The following IGSF3 variants were observed in gnomAD, a reference collection of about 807,000 sequenced individuals.
IGSF3 encodes the protein glu-Trp-Ile EWI motif-containing protein 3.
A neutral mutation model predicts 114.4 loss-of-function variants in IGSF3; 23 were observed. The ratio of observed to expected loss-of-function variants is 0.20; its 90% CI spans 0.14 to 0.28. The LOEUF is 0.28. Ranked by LOEUF, IGSF3 falls within the 10% of genes least tolerant of loss-of-function variation. IGSF3 has a pLI of 1.00. For synonymous variants in IGSF3, 571 were observed against 645.2 expected, an observed-to-expected ratio of 0.88 and a Z score of 1.74; for missense variants, 1,172 against 1,591.5, an observed-to-expected ratio of 0.74 and a Z score of 4.48.
intron 2 of IGSF3, among the ~76,000 whole-genome samples, chr1:116,656,308 T>C (rs1173283334): frequency 1.4e-5 from 2 of 138,598 alleles, no homozygotes; most frequent in African/African-American, 5.4e-5. Context: ...TTTTTTTTTT[T>C]TTTTTTTTTT....
At position 116,650,485 on chromosome 1, in the gene IGSF3, G is replaced by A. The variant is rs1220830033; in HGVS notation, c.43+15799C>T. Among the ~76,000 whole-genome samples the A allele has an allele frequency of 2.0e-5, 3 of 151,988 alleles. No individual in the cohort carries two copies. The highest frequency in any genetic ancestry group is 4.8e-5 in the African/African-American group (2 of 41,358). Reference sequence around the variant, plus strand: ...TGTCACACGCCCATGTCTAAATTACGGGCCTCCAGGATGGGCTCAGCTCAA... The same window carrying A: ...TGTCACACGCCCATGTCTAAATTACAGGCCTCCAGGATGGGCTCAGCTCAA... On this transcript the variant is annotated intron_variant, in intron 2 of 10. Transcript: ENST00000369486. This position sits in a 1 kb window ranked among gnomAD's most constrained non-coding sequence, Gnocchi z 5.0.
chr1:116,592,121 T>C lies in IGSF3; in HGVS notation c.2030-3017A>G, dbSNP rs1380662914. 6.6e-6 allele frequency among the ~76,000 whole-genome samples: 1 copy of C among 152,080 alleles called. No homozygotes were observed. The highest frequency in any genetic ancestry group is 1.5e-5 in the Non-Finnish European group (1 of 68,016). Reference sequence around the variant, plus strand: ...TCTCGGACCAGCAGCACTGGGAGCTTGTTAGAAATGCAGACTCTCAGGCCC... The same window carrying C: ...TCTCGGACCAGCAGCACTGGGAGCTCGTTAGAAATGCAGACTCTCAGGCCC... On this transcript the variant is annotated intron_variant, in intron 7 of 10. Coordinates refer to ENST00000369486, the MANE Select transcript of IGSF3 (RefSeq NM_001007237.3). The surrounding 1 kb of genome is among the most constrained non-coding windows in gnomAD (Gnocchi z 4.5).
At chr1:116,587,010 G>C (rs1659877067) in intron 8 of IGSF3, among the ~76,000 whole-genome samples, 1 of 151,964 alleles carries the variant, frequency 6.6e-6, no homozygotes, top group African/African-American at 2.4e-5. Context: ...AGAATCTCTG[G>C]AAATATAATA....
rs577491919 is a variant in IGSF3, at chr1:116,621,694, T to C, written c.44-5237A>G. 3.9e-3 allele frequency among the ~76,000 whole-genome samples: 590 copies of C among 152,308 alleles called. 2 individuals are homozygous for C. Among genetic ancestry groups the C allele is most frequent in the Non-Finnish European group, 6.6e-3 (448 of 68,032 alleles). ...ATTGTGTTACATACACATGAGTGTG[T>C]TCTTCTGGGAAAAGAGTCCATAAAC... On this transcript the variant is annotated intron_variant, in intron 2 of 10. Coordinates refer to ENST00000369486, the MANE Select transcript of IGSF3 (RefSeq NM_001007237.3).
At chr1:116,653,993 G>T (rs1362636559) in intron 2 of IGSF3, among the ~76,000 whole-genome samples, 1 of 152,204 alleles carries the variant, frequency 6.6e-6, no homozygotes, top group Admixed American at 6.5e-5. Flanking sequence ...ACATCAGAAG[G>T]CATTATGAAA....
At position 116,655,046 on chromosome 1, in the gene IGSF3, AAT is replaced by A. The variant is rs1418644841; in HGVS notation, c.43+11236_43+11237del. 6.6e-6 allele frequency among the ~76,000 whole-genome samples: 1 copy of A among 152,216 alleles called. No homozygotes were observed. Among genetic ancestry groups the A allele is most frequent in the East Asian group, 1.9e-4 (1 of 5,202 alleles). On this transcript the variant is annotated intron_variant, in intron 2 of 10. Transcript: ENST00000369486. The surrounding 1 kb of genome is among the most constrained non-coding windows in gnomAD (Gnocchi z 4.3). The stretch of plus-strand genomic sequence containing the variant: ...GGCAAGAAAAAAGATGTACCTTAGG[AAT>A]AAAAAAGAGTTCCCCAATGTCACAG...
intron 9 of IGSF3, among the ~76,000 whole-genome samples, chr1:116,580,119 A>G (rs189752869): frequency 6.6e-6 from 1 of 152,340 alleles, no homozygotes; most frequent in East Asian, 1.9e-4. Flanking sequence ...TTTGACATAC[A>G]TATCTGTTTA....
rs1054800778 is a variant in IGSF3 at position 116,593,601 on chromosome 1, C to T, written c.2030-4497G>A. On this transcript the variant is annotated intron_variant, in intron 7 of 10. Coordinates refer to ENST00000369486, the MANE Select transcript of IGSF3 (RefSeq NM_001007237.3). The surrounding 1 kb of genome is among the most constrained non-coding windows in gnomAD (Gnocchi z 4.5). ...CCCTGAGTCCCTCTGTCCTTAACAC[C>T]CCTTGGCTCCCTGCTCTCTCCACAT... Among the ~76,000 whole-genome samples the T allele has an allele frequency of 6.6e-6, 1 of 152,180 alleles. No homozygotes were observed. Among genetic ancestry groups the T allele is most frequent in the Admixed American group, 6.5e-5 (1 of 15,286 alleles).
Position 116,582,796 on chromosome 1 carries a change from T to G in IGSF3, c.2848+1849A>C, listed in dbSNP as rs1659657754. Among the ~76,000 whole-genome samples the G allele has an allele frequency of 1.3e-5, 2 of 152,236 alleles. No homozygotes were observed. The highest frequency in any genetic ancestry group is 6.5e-5 in the Admixed American group (1 of 15,288). On this transcript the variant is annotated intron_variant, in intron 9 of 10. Coordinates refer to ENST00000369486, the MANE Select transcript of IGSF3 (RefSeq NM_001007237.3). The surrounding 1 kb of genome is among the most constrained non-coding windows in gnomAD (Gnocchi z 4.7). Reference sequence around the variant, plus strand: ...GACATGAGGCAAAGACCAAAAAATATACACCAAATTATTAATAGTAGATAT... The same window carrying G: ...GACATGAGGCAAAGACCAAAAAATAGACACCAAATTATTAATAGTAGATAT...
chr1:116,646,561 G>A (rs546860002), intron 2 of IGSF3, among the ~76,000 whole-genome samples: 4 of 152,314 alleles, frequency 2.6e-5, no homozygotes, highest in Admixed American at 6.5e-5. Flanking sequence ...AGAAGATGGC[G>A]TTAAAGAGTA....
In IGSF3 at chr1:116,636,434, A is replaced by G. The variant is rs1284006519; in HGVS notation, c.44-19977T>C. Among the ~76,000 whole-genome samples the G allele has an allele frequency of 6.6e-6, 1 of 152,218 alleles. No homozygotes were observed. The highest frequency in any genetic ancestry group is 1.5e-5 in the Non-Finnish European group (1 of 68,040). The stretch of plus-strand genomic sequence containing the variant: ...GGAAGAACTGCTGCTCTCCAATAGC[A>G]TGAAGTAGACAATGATGTTCTTAGC... On this transcript the variant is annotated intron_variant, in intron 2 of 10. Transcript: ENST00000369486. The surrounding 1 kb of genome is among the most constrained non-coding windows in gnomAD (Gnocchi z 4.5).
In IGSF3 at chr1:116,654,285, G is replaced by A. The variant is rs1648754867; in HGVS notation, c.43+11999C>T. Among the ~76,000 whole-genome samples, 1 of 152,224 alleles carries A rather than the reference G, an allele frequency of 6.6e-6. No homozygotes were observed. Among genetic ancestry groups the A allele is most frequent in the African/African-American group, 2.4e-5 (1 of 41,462 alleles). Reference sequence around the variant, plus strand: ...AGCAGGCACCTGCTTTGGCACCTTGGCAATTTCCACCAGGCAGAATTTACA... The same window carrying A: ...AGCAGGCACCTGCTTTGGCACCTTGACAATTTCCACCAGGCAGAATTTACA... On this transcript the variant is annotated intron_variant, in intron 2 of 10. Transcript: ENST00000369486. The surrounding 1 kb of genome is among the most constrained non-coding windows in gnomAD (Gnocchi z 4.4).
Position 116,585,911 on chromosome 1 carries a change from AAAAAG to A in IGSF3, c.2441-864_2441-860del, listed in dbSNP as rs1659824581. The stretch of plus-strand genomic sequence containing the variant: ...TCTCAAAAAAAAGAAAAAGAAAAAG[AAAAAG>A]AAAAGATTGCTACTGATGGAACTGG... On this transcript the variant is annotated intron_variant, in intron 8 of 10. Transcript: ENST00000369486. The surrounding 1 kb of genome is among the most constrained non-coding windows in gnomAD (Gnocchi z 4.9). Among the ~76,000 whole-genome samples the A allele has an allele frequency of 6.6e-6, 1 of 152,226 alleles. No homozygotes were observed. Among genetic ancestry groups the A allele is most frequent in the Non-Finnish European group, 1.5e-5 (1 of 68,052 alleles).
Position 116,616,568 on chromosome 1 carries a change from A to G in IGSF3, c.44-111T>C. The G allele has an allele frequency of 1.1e-6, 1 of 916,870 alleles. No homozygotes were observed. The highest frequency in any genetic ancestry group is 1.6e-6 in the Non-Finnish European group (1 of 609,838). 56.8% of individuals were successfully genotyped at this position (916,870 alleles called of 1,614,324 possible). A position where few individuals can be genotyped will look rare whatever the true frequency, so the allele number is the denominator to read the frequency against. ...TATTTGTGTGACATGATAATAATAT[A>G]AACAGCTTACTGGCCCTTTCAAAGG... On this transcript the variant is annotated intron_variant, in intron 2 of 10. Coordinates refer to ENST00000369486, the MANE Select transcript of IGSF3 (RefSeq NM_001007237.3). This position sits in a 1 kb window ranked among gnomAD's most constrained non-coding sequence, Gnocchi z 6.6.
At chr1:116,613,312 G>A (rs1231612344) in intron 4 of IGSF3, among the ~76,000 whole-genome samples, 1 of 152,128 alleles carries the variant, frequency 6.6e-6, no homozygotes, top group Non-Finnish European at 1.5e-5. Flanking sequence ...CATAATGTTA[G>A]ACCTTGGATG....
In IGSF3 at chr1:116,592,112, C is replaced by T. The variant is rs1361891202; in HGVS notation, c.2030-3008G>A. On this transcript the variant is annotated intron_variant, in intron 7 of 10. Transcript: ENST00000369486. This position sits in a 1 kb window ranked among gnomAD's most constrained non-coding sequence, Gnocchi z 4.5. ...AAGTGCTGTTCTCGGACCAGCAGCA[C>T]TGGGAGCTTGTTAGAAATGCAGACT... 6.6e-6 allele frequency among the ~76,000 whole-genome samples: 1 copy of T among 152,170 alleles called. No homozygotes were observed. Among genetic ancestry groups the T allele is most frequent in the Non-Finnish European group, 1.5e-5 (1 of 68,026 alleles).
chr1:116,619,880 A>C (rs1165715213), intron 2 of IGSF3, among the ~76,000 whole-genome samples: 3 of 152,198 alleles, frequency 2.0e-5, no homozygotes, highest in African/African-American at 7.2e-5. Flanking sequence ...AAAATGTTAT[A>C]TATAACTGCA....
In IGSF3 at chr1:116,582,752, C is replaced by T. The variant is rs568759859; in HGVS notation, c.2848+1893G>A. Among the ~76,000 whole-genome samples, 1 of 152,260 alleles carries T rather than the reference C, an allele frequency of 6.6e-6. No homozygotes were observed. Among genetic ancestry groups the T allele is most frequent in the Admixed American group, 6.5e-5 (1 of 15,294 alleles). ...AACAGTAAGATCCTGAGTTTGTTTA[C>T]AGACAGAGGAAATATGAAGACATGA... On this transcript the variant is annotated intron_variant, in intron 9 of 10. Coordinates refer to ENST00000369486, the MANE Select transcript of IGSF3 (RefSeq NM_001007237.3). The surrounding 1 kb of genome is among the most constrained non-coding windows in gnomAD (Gnocchi z 4.7).
At chr1:116,591,976 A>G (rs1660131897) in intron 7 of IGSF3, among the ~76,000 whole-genome samples, 1 of 152,234 alleles carries the variant, frequency 6.6e-6, no homozygotes, top group Non-Finnish European at 1.5e-5. Flanking sequence ...ACAAACACCC[A>G]GTGAATTTTA....
Sources: allele counts gnomAD v4.1 joint callset (sites outside exome capture counted in the v4.1 genomes callset), GRCh38; gene constraint gnomAD v4.1.1; non-coding constraint Gnocchi (gnomAD v3.1); transcripts MANE v1.5; gene names NCBI Gene and HGNC (gene_info 2026-07-23, HGNC 2026-07-21).